The following NACC2 variants were observed in gnomAD, a reference collection of about 807,000 sequenced individuals.
The protein encoded by NACC2 is NACC family member 2.
In NACC2, 8 loss-of-function variants were observed where a neutral mutation model predicts 25.1. That is an observed-to-expected ratio of 0.32 (90% CI 0.19 to 0.57). The LOEUF (loss-of-function observed/expected upper bound fraction) is 0.57. NACC2 is among the 20% of genes least tolerant of loss of function. The pLI, the probability that NACC2 is intolerant of heterozygous loss-of-function variation, is 0.89. For missense variants in NACC2, 644 were observed against 650.2 expected (o/e 0.99, Z 0.10); for synonymous variants, 435 against 294.7 (o/e 1.48, Z -4.88).
At chr9:136,031,354 C>CATTG (rs56035900) in intron 2 of NACC2, among the ~76,000 whole-genome samples, 9 of 151,966 alleles carry the variant, frequency 5.9e-5, no homozygotes, top group African/African-American at 2.2e-4. Flanking sequence ...TTCATTCATT[C>CATTG]TGAGATAGAG....
intron 1 of NACC2, among the ~76,000 whole-genome samples, chr9:136,087,383 C>A (rs1289440910): frequency 6.6e-6 from 1 of 152,236 alleles, no homozygotes; most frequent in African/African-American, 2.4e-5. Flanking sequence ...CCCCTTCCCT[C>A]CTCCTGGCCT....
chr9:136,075,523 C>A (rs568649529), intron 1 of NACC2, among the ~76,000 whole-genome samples: 1 of 152,374 alleles, frequency 6.6e-6, no homozygotes, highest in South Asian at 2.1e-4. Flanking sequence ...TCAAACAGAT[C>A]GCGCAGCTGG....
chr9:136,030,392 G>A (rs1039247456), intron 2 of NACC2, among the ~76,000 whole-genome samples: 3 of 151,978 alleles, frequency 2.0e-5, no homozygotes, highest in Non-Finnish European at 4.4e-5. Context: ...GGCAGATCAC[G>A]AGGTCAGGAG....
rs926107949 is a variant in NACC2 at position 136,086,072 on chromosome 9, G to A, written c.-60+9117C>T. Among the ~76,000 whole-genome samples, 5 of 152,214 alleles carry A rather than the reference G, an allele frequency of 3.3e-5. No homozygotes were observed. Among genetic ancestry groups the A allele is most frequent in the African/African-American group, 9.6e-5 (4 of 41,464 alleles). ...TCCGGGCGCCACGCAGGGCAGCTCCGACGGGCAGGAGCCGCCTCCAGGCCC... is the reference window on the plus strand; with the variant it reads ...TCCGGGCGCCACGCAGGGCAGCTCCAACGGGCAGGAGCCGCCTCCAGGCCC... On this transcript the variant is annotated intron_variant, in intron 1 of 5. Transcript: ENST00000277554. The surrounding 1 kb of genome is among the most constrained non-coding windows in gnomAD (Gnocchi z 5.6).
At chr9:136,067,179 G>A (rs545691650) in intron 1 of NACC2, among the ~76,000 whole-genome samples, 10 of 151,936 alleles carry the variant, frequency 6.6e-5, no homozygotes, top group African/African-American at 7.2e-5. Context: ...GCTTGAACCC[G>A]GGAGGCGGAC....
rs1830356835 is a variant in NACC2, at chr9:136,084,476, A to T, written c.-60+10713T>A. On this transcript the variant is annotated intron_variant, in intron 1 of 5. Transcript: ENST00000277554. The surrounding 1 kb of genome is among the most constrained non-coding windows in gnomAD (Gnocchi z 5.1). The stretch of plus-strand genomic sequence containing the variant: ...GACGTCCCTGCCCAAGACGCCAATC[A>T]CCAGGAGGCCACAGACAAACCTACC... Among the ~76,000 whole-genome samples the T allele has an allele frequency of 6.6e-6, 1 of 152,154 alleles. No individual in the cohort carries two copies. The highest frequency in any genetic ancestry group is 1.5e-5 in the Non-Finnish European group (1 of 68,034).
rs1840772372 is a variant in NACC2, at chr9:136,048,977, C to G, written c.886+659G>C. On this transcript the variant is annotated intron_variant, in intron 2 of 5. Transcript: ENST00000277554. ...CAGGTGGCCAGCCCAGACACACAGT[C>G]AGGTTGCAGGGACACCCGATCCTGG... 2.0e-5 allele frequency among the ~76,000 whole-genome samples: 3 copies of G among 152,252 alleles called. No homozygotes were observed. In the South Asian group the frequency reaches 6.2e-4, roughly 31 times the overall value.
rs1423175336 is a variant in NACC2, at chr9:136,069,487, T to G, written c.-59-18907A>C. On this transcript the variant is annotated intron_variant, in intron 1 of 5. Coordinates refer to ENST00000277554, the MANE Select transcript of NACC2 (RefSeq NM_144653.5). ...TTGCTTGAAACCAGAAGGCGGAGGT[T>G]GCAGTGAGCCAAGACTATGCCACTG... is the stretch of plus-strand genomic sequence containing the variant. 5.9e-5 allele frequency among the ~76,000 whole-genome samples: 9 copies of G among 151,542 alleles called. No homozygotes were observed. The East Asian group carries it at 7.8e-4, about 13-fold the overall frequency.
In NACC2 at chr9:136,086,516, G is replaced by A. The variant is rs956472914; in HGVS notation, c.-60+8673C>T. On this transcript the variant is annotated intron_variant, in intron 1 of 5. Coordinates refer to ENST00000277554, the MANE Select transcript of NACC2 (RefSeq NM_144653.5). The surrounding 1 kb of genome is among the most constrained non-coding windows in gnomAD (Gnocchi z 5.6). Reference sequence around the variant, plus strand: ...GGACGTCGCATGCCCCCAGCTTCCCGACAGCCATCTGCCTGCCAGCACCCA... The same window carrying A: ...GGACGTCGCATGCCCCCAGCTTCCCAACAGCCATCTGCCTGCCAGCACCCA... 3.3e-5 allele frequency among the ~76,000 whole-genome samples: 5 copies of A among 152,050 alleles called. No homozygotes were observed. Among genetic ancestry groups the A allele is most frequent in the Non-Finnish European group, 5.9e-5 (4 of 67,982 alleles).
At chr9:136,057,034 G>A (rs2131167898) in intron 1 of NACC2, among the ~76,000 whole-genome samples, 1 of 152,318 alleles carries the variant, frequency 6.6e-6, no homozygotes, top group East Asian at 1.9e-4. Context: ...CCCCCAGGGT[G>A]GGCCTCCAGC....
chr9:136,045,207 G>A (rs1840701861), intron 2 of NACC2, among the ~76,000 whole-genome samples: 1 of 152,234 alleles, frequency 6.6e-6, no homozygotes, highest in African/African-American at 2.4e-5. Context: ...GCCCTGCAGA[G>A]AGGCACACAG....
At chr9:136,065,787 C>T (rs2131174189) in intron 1 of NACC2, among the ~76,000 whole-genome samples, 1 of 151,028 alleles carries the variant, frequency 6.6e-6, no homozygotes, top group East Asian at 1.9e-4. Flanking sequence ...TGTCCTCCAG[C>T]CTGGGTGACA....
intron 1 of NACC2, among the ~76,000 whole-genome samples, chr9:136,061,425 C>G (rs1841008845): frequency 6.6e-6 from 1 of 152,164 alleles, no homozygotes; most frequent in African/African-American, 2.4e-5. Context: ...CCAGGCCCAG[C>G]TCCCAGGCTG....
intron 2 of NACC2, among the ~76,000 whole-genome samples, chr9:136,036,488 CACAT>C (rs1840556002): frequency 6.6e-6 from 1 of 152,180 alleles, no homozygotes; most frequent in African/African-American, 2.4e-5. Flanking sequence ...CATACACACA[CACAT>C]AAATACATAT....
chr9:136,050,830 GCGCCCA>G (rs1377833200), intron 1 of NACC2, among the ~76,000 whole-genome samples: 4 of 152,138 alleles, frequency 2.6e-5, no homozygotes, highest in Admixed American at 6.5e-5. Context: ...CGGCAGGAGT[GCGCCCA>G]CGCCACTCCC....
rs576643146 is a variant in NACC2 at position 136,007,376 on chromosome 9, TACAC to T, written c.*4136_*4139del. ...ACACACAGACACACGCGTGCACACA[TACAC>T]AGACACGCGTGCAGAGACACGCACG... On this transcript the variant is annotated 3_prime_UTR_variant, in exon 6 of 6. Transcript: ENST00000277554. 2 of 149,378 alleles carry T rather than the reference TACAC, an allele frequency of 1.3e-5. No homozygotes were observed. Among genetic ancestry groups the T allele is most frequent in the South Asian group, 2.1e-4 (1 of 4,740 alleles). The allele number at this position is 149,378 out of a possible 1,614,324, so 9.3% of individuals were successfully genotyped here.
At position 136,012,828 on chromosome 9, in the gene NACC2, C is replaced by G. The variant is rs1160006571; in HGVS notation, c.1255+371G>C. The stretch of plus-strand genomic sequence containing the variant: ...CGGTCTGCCCTGGAGATGGACCGGG[C>G]TCCGCCCCCACACGCCCAAGAGCGG... On this transcript the variant is annotated intron_variant, in intron 5 of 5. Coordinates refer to ENST00000277554, the MANE Select transcript of NACC2 (RefSeq NM_144653.5). Among the ~76,000 whole-genome samples, 3 of 152,354 alleles carry G rather than the reference C, an allele frequency of 2.0e-5. No individual in the cohort carries two copies. In the East Asian group the frequency reaches 5.8e-4, roughly 29 times the overall value.
intron 1 of NACC2, among the ~76,000 whole-genome samples, chr9:136,058,539 C>A (rs1381279919): frequency 3.3e-5 from 5 of 152,176 alleles, no homozygotes; most frequent in Non-Finnish European, 2.9e-5. Flanking sequence ...ATGTTGGATA[C>A]ACACGGACAT....
In NACC2 at chr9:136,016,993, T is replaced by C. The variant is rs575556861; in HGVS notation, c.887-564A>G. 1.1e-3 allele frequency among the ~76,000 whole-genome samples: 167 copies of C among 152,244 alleles called. 1 individual carries two copies. Among genetic ancestry groups the C allele is most frequent in the African/African-American group, 3.9e-3 (161 of 41,544 alleles). On this transcript the variant is annotated intron_variant, in intron 2 of 5. Coordinates refer to ENST00000277554, the MANE Select transcript of NACC2 (RefSeq NM_144653.5). ...GCTCCCAGCAAGGGGCAGTGGGGCA[T>C]GGCCACCTGACTCAGGGGCAAGGAC...
Sources: allele counts gnomAD v4.1 joint callset (sites outside exome capture counted in the v4.1 genomes callset), GRCh38; gene constraint gnomAD v4.1.1; non-coding constraint Gnocchi (gnomAD v3.1); transcripts MANE v1.5; gene names NCBI Gene and HGNC (gene_info 2026-07-23, HGNC 2026-07-21).